Variants in TRIM54 observed in about 807,000 individuals in gnomAD.
The protein encoded by TRIM54 is tripartite motif-containing protein 54.
In TRIM54, 40 loss-of-function variants were observed where a neutral mutation model predicts 42.0. That is an observed-to-expected ratio of 0.95 (90% CI 0.74 to 1.24). The LOEUF (loss-of-function observed/expected upper bound fraction) is 1.24. TRIM54 is among the 50% of genes most tolerant of loss of function. TRIM54 has a pLI of 0.00. For missense variants in TRIM54, 485 were observed against 480.3 expected (o/e 1.01, Z -0.09); for synonymous variants, 199 against 194.9 (o/e 1.02, Z -0.17).
intron 2 of TRIM54, among the ~76,000 whole-genome samples, 190 bp from the exon 3 acceptor site, chr2:27,299,055 C>T (rs941349938): frequency 6.6e-6 from 1 of 152,196 alleles, no homozygotes; most frequent in African/African-American, 2.4e-5. Context: ...GTTCTCGGAT[C>T]CAGGCCTCCT....
chr2:27,283,782 GCGCACA>G lies in TRIM54; in HGVS notation c.168+885_168+890del, dbSNP rs1287271845. 8.9e-4 allele frequency among the ~76,000 whole-genome samples: 77 copies of G among 86,338 alleles called. 3 individuals carry two copies. Among genetic ancestry groups the G allele is most frequent in the African/African-American group, 3.5e-3 (72 of 20,542 alleles). The allele number at this position is 86,338 out of a possible 152,430, so 56.6% of individuals were successfully genotyped here. On this transcript the variant is annotated intron_variant, in intron 1 of 8. Transcript: ENST00000380075. ...GGCAAAGGCACACACACACACACGC[GCGCACA>G]CACACACACACACACACACACACAC...
chr2:27,306,007 G>T lies in TRIM54; in HGVS notation c.844-73G>T. ...CTTCCCACCTACCCCGCAGGACTGT[G>T]GTGAGATTCAGAAATGGGACTTTGC... On this transcript the variant is annotated intron_variant, in intron 5 of 8. Transcript: ENST00000380075. The surrounding 1 kb of genome is among the most constrained non-coding windows in gnomAD (Gnocchi z 6.1). 6.3e-7 allele frequency: 1 copy of T among 1,592,660 alleles called. No individual in the cohort carries two copies. The highest frequency in any genetic ancestry group is 8.6e-7 in the Non-Finnish European group (1 of 1,165,454).
chr2:27,304,689 A>G (rs1399676532), intron 3 of TRIM54: 4 of 394,822 alleles, frequency 1.0e-5, no homozygotes, highest in Non-Finnish European at 1.8e-5. Context: ...CAGATAAAGT[A>G]TCTAGCCCAG....
Position 27,307,293 on chromosome 2 carries a change from C to G in TRIM54, c.*408C>G. On this transcript the variant is annotated 3_prime_UTR_variant, in exon 9 of 9. Transcript: ENST00000380075. The surrounding 1 kb of genome is among the most constrained non-coding windows in gnomAD (Gnocchi z 6.9). ...CTGACCTGGCTGAAAGCCGCTGTCT[C>G]GGAGCCCCCCACAGCATTTTGTTCC... is the stretch of plus-strand genomic sequence containing the variant. The G allele has an allele frequency of 2.9e-6, 2 of 692,910 alleles. No homozygotes were observed. Among genetic ancestry groups the G allele is most frequent in the Non-Finnish European group, 4.6e-6 (2 of 431,502 alleles). 42.9% of individuals were successfully genotyped at this position (692,910 alleles called of 1,614,324 possible). A position where few individuals can be genotyped will look rare whatever the true frequency, so the allele number is the denominator to read the frequency against.
chr2:27,299,571 C>T (rs929589499), intron 3 of TRIM54, 155 bp downstream of exon 3: 2 of 1,480,698 alleles, frequency 1.4e-6, no homozygotes, highest in African/African-American at 1.4e-5. Context: ...AGTGCAGTGG[C>T]ACAAACACAA....
intron 1 of TRIM54, among the ~76,000 whole-genome samples, chr2:27,290,495 G>A (rs565629111): frequency 1.3e-5 from 2 of 152,030 alleles, no homozygotes; most frequent in African/African-American, 2.4e-5. Flanking sequence ...GTGAAACCCC[G>A]TCTCTACTAA....
chr2:27,293,070 G>A (rs538172375), intron 1 of TRIM54, among the ~76,000 whole-genome samples: 5 of 152,108 alleles, frequency 3.3e-5, no homozygotes, highest in South Asian at 2.1e-4. Context: ...ATGGTATATC[G>A]AAATGGTATT....
chr2:27,298,175 C>A (rs1381471277), intron 1 of TRIM54, among the ~76,000 whole-genome samples: 1 of 152,090 alleles, frequency 6.6e-6, no homozygotes, highest in Non-Finnish European at 1.5e-5. Context: ...CCAGTTGTGG[C>A]CCAAGAGGGC....
At position 27,298,654 on chromosome 2, in the gene TRIM54, G is replaced by A; in HGVS notation, c.256G>A (p.Val86Ile). The change falls in exon 2 of 9, where the codon GTC becomes ATC. Residue 86 changes from valine to isoleucine, a missense_variant. Physicochemically the swap from Val to Ile is conservative, Grantham distance 29. Transcript: ENST00000380075. ...FRCPSCRHEV[V>I]LDRHGVYGLQ... ...CTGCCCATCGTGCAGGCATGAGGTT[G>A]TCCTGGACAGACACGGTGTCTACGG... is the stretch of plus-strand genomic sequence containing the variant. The A allele has an allele frequency of 6.2e-7, 1 of 1,614,196 alleles. No individual in the cohort carries two copies. The highest frequency in any genetic ancestry group is 8.5e-7 in the Non-Finnish European group (1 of 1,180,032).
In TRIM54 at chr2:27,282,725, C is replaced by T. The variant is rs552098223; in HGVS notation, c.-7C>T. ...CAGGGCCCAGGCCAGGCACGACCAC[C>T]GAGGGGATGAACTTCACAGTGGGTT... On this transcript the variant is annotated 5_prime_UTR_variant, in exon 1 of 9. Coordinates refer to ENST00000380075, the MANE Select transcript of TRIM54 (RefSeq NM_187841.3). The T allele has an allele frequency of 1.1e-5, 18 of 1,609,032 alleles. No individual in the cohort carries two copies. In the African/African-American group the frequency reaches 1.2e-4, roughly 11 times the overall value.
intron 1 of TRIM54, among the ~76,000 whole-genome samples, chr2:27,288,539 A>T (rs1678637944): frequency 6.6e-6 from 1 of 152,192 alleles, no homozygotes; most frequent in Non-Finnish European, 1.5e-5. Context: ...GTTCCATTCC[A>T]TCTTATCCTT....
chr2:27,295,555 C>T (rs1024599308), intron 1 of TRIM54, among the ~76,000 whole-genome samples: 1 of 152,208 alleles, frequency 6.6e-6, no homozygotes. Flanking sequence ...ATCCACCCAC[C>T]TCGGCCTCCC....
chr2:27,300,816 T>A (rs1679015832), intron 3 of TRIM54, among the ~76,000 whole-genome samples: 1 of 152,028 alleles, frequency 6.6e-6, no homozygotes, highest in East Asian at 1.9e-4. Flanking sequence ...CAGTGAGCCA[T>A]GATTGCACCA....
At chr2:27,295,845 C>G (rs1243313892) in intron 1 of TRIM54, among the ~76,000 whole-genome samples, 1 of 152,194 alleles carries the variant, frequency 6.6e-6, no homozygotes, top group Non-Finnish European at 1.5e-5. Context: ...TCTTTCCTCA[C>G]TTGGGTTCTA....
At chr2:27,283,764 G>GCACACACGCACGCGCGCGCGCGCGCA (rs1558580798) in intron 1 of TRIM54, among the ~76,000 whole-genome samples, 127 of 117,888 alleles carry the variant, frequency 1.1e-3, no homozygotes, top group Non-Finnish European at 1.6e-3. Context: ...AGGGGCAAAG[G>GCACACACGCACGCGCGCGCGCGCGCA]CACACACACA....
At chr2:27,293,336 C>G (rs1678770933) in intron 1 of TRIM54, among the ~76,000 whole-genome samples, 1 of 152,142 alleles carries the variant, frequency 6.6e-6, no homozygotes, top group Non-Finnish European at 1.5e-5. Flanking sequence ...AGTTCTGTGC[C>G]TTCTTTGGTG....
rs1392928990 is a variant in TRIM54 at position 27,299,340 on chromosome 2, GCT to G, written c.444_445del (p.Cys149GlnfsTer10). ...TGCCTGAGCTGTGAGGTGCCCACCT[GCT>G]CTCTCTGCAAGGTCTTCGGTGCCCA... On this transcript the variant is annotated frameshift_variant, in exon 3 of 9. Transcript: ENST00000380075. LOFTEE classifies it high-confidence loss of function. 6.2e-7 allele frequency: 1 copy of G among 1,614,148 alleles called. No homozygotes were observed. Among genetic ancestry groups the G allele is most frequent in the South Asian group, 1.1e-5 (1 of 91,078 alleles).
chr2:27,303,669 T>C (rs945898529), intron 3 of TRIM54, among the ~76,000 whole-genome samples: 9 of 152,098 alleles, frequency 5.9e-5, no homozygotes, highest in East Asian at 1.9e-4. Context: ...GAGGAAAATA[T>C]GCACAATTTA....
intron 1 of TRIM54, among the ~76,000 whole-genome samples, chr2:27,287,600 T>A (rs1451039818): frequency 6.6e-6 from 1 of 152,076 alleles, no homozygotes; most frequent in Non-Finnish European, 1.5e-5. Flanking sequence ...CATAGTCCAC[T>A]GTAACCTTGA....
Sources: gnomAD v4.1 joint callset for allele counts (sites outside exome capture counted in the v4.1 genomes callset) on GRCh38, gnomAD v4.1.1 for gene constraint, Gnocchi (gnomAD v3.1) non-coding constraint, MANE v1.5 for transcripts, NCBI Gene and HGNC (gene_info 2026-07-23, HGNC 2026-07-21) for gene names.